Variants in LAMA3 observed in about 807,000 individuals in gnomAD.
The protein encoded by LAMA3 is laminin subunit alpha-3.
A neutral mutation model predicts 402.0 loss-of-function variants in LAMA3; 281 were observed. That is an observed-to-expected ratio of 0.70 (90% CI 0.63 to 0.77). The LOEUF is 0.77. Ranked by LOEUF, LAMA3 falls within the 30% of genes least tolerant of loss-of-function variation. The pLI is 0.00. For missense variants in LAMA3, 3,840 were observed against 4,215.5 expected, an observed-to-expected ratio of 0.91 and a Z score of 2.47; for synonymous variants, 1,431 against 1,558.4, an observed-to-expected ratio of 0.92 and a Z score of 1.93.
chr18:23,873,018 G>A (rs754661763), intron 38 of LAMA3: 5 of 1,613,768 alleles, frequency 3.1e-6, no homozygotes, highest in African/African-American at 1.3e-5. Flanking sequence ...AGGTTCCTGC[G>A]CAGCCAGCGG....
At chr18:23,929,935 G>T (rs1049741579) in intron 64 of LAMA3, among the ~76,000 whole-genome samples, 2 of 152,146 alleles carry the variant, frequency 1.3e-5, no homozygotes, top group Non-Finnish European at 2.9e-5. Flanking sequence ...GGGAATCCTG[G>T]ATATAGCATA....
rs377038696 is a variant in LAMA3, at chr18:23,728,828, C to T, written c.447+14756C>T. Among the ~76,000 whole-genome samples, 5 of 151,932 alleles carry T rather than the reference C, an allele frequency of 3.3e-5. No individual in the cohort carries two copies. The East Asian group carries it at 5.8e-4, about 18-fold the overall frequency. ...GGCGGGTCACCTGAAGTCAGGAGTT[C>T]GAGACCAGCCTGGCCAACATGGTGA... On this transcript the variant is annotated intron_variant, in intron 2 of 74. Coordinates refer to ENST00000313654, the MANE Select transcript of LAMA3 (RefSeq NM_198129.4).
chr18:23,951,436 T>C (rs1004034780), intron 72 of LAMA3, among the ~76,000 whole-genome samples: 7 of 152,158 alleles, frequency 4.6e-5, no homozygotes, highest in Non-Finnish European at 1.0e-4. Flanking sequence ...AGGGAACAAC[T>C]CATTGCCATT....
At chr18:23,894,456 G>T (rs1052217398) in intron 43 of LAMA3, 108 bp downstream of exon 43, 1 of 990,242 alleles carries the variant, frequency 1.0e-6, no homozygotes. Context: ...AAGTAAGGGT[G>T]GGAGGAGGTG....
chr18:23,729,664 TCAC>T (rs1245557753), intron 2 of LAMA3, among the ~76,000 whole-genome samples: 1 of 152,226 alleles, frequency 6.6e-6, no homozygotes, highest in Non-Finnish European at 1.5e-5. Context: ...TTAACATAAT[TCAC>T]ATGCTAGAAA....
intron 60 of LAMA3, among the ~76,000 whole-genome samples, chr18:23,917,955 T>C (rs1218007814): frequency 1.3e-5 from 2 of 152,172 alleles, no homozygotes; most frequent in Non-Finnish European, 2.9e-5. Flanking sequence ...CCTATTTCTA[T>C]AATGGTATTT....
intron 2 of LAMA3, among the ~76,000 whole-genome samples, chr18:23,742,695 T>C (rs897055960): frequency 9.9e-5 from 15 of 151,822 alleles, no homozygotes; most frequent in African/African-American, 3.1e-4. Flanking sequence ...ACAAAAAATA[T>C]GGTATATTGT....
In LAMA3 at chr18:23,773,603, A is replaced by G; in HGVS notation, c.1273+16A>G. ...GGCTGCATCCGTAAGTTTCATTTCA[A>G]GTTGGTGTATCTTAGCCTGTGTGTA... On this transcript the variant is annotated intron_variant, in intron 9 of 74. Transcript: ENST00000313654. 6.5e-7 allele frequency: 1 copy of G among 1,534,864 alleles called. No individual in the cohort carries two copies. Among genetic ancestry groups the G allele is most frequent in the Non-Finnish European group, 8.9e-7 (1 of 1,123,860 alleles).
chr18:23,833,531 G>C (rs1162458874), intron 23 of LAMA3, among the ~76,000 whole-genome samples: 1 of 152,200 alleles, frequency 6.6e-6, no homozygotes, highest in Admixed American at 6.5e-5. Context: ...GGTAGAAATA[G>C]TAGAAGTTTC....
intron 42 of LAMA3, among the ~76,000 whole-genome samples, chr18:23,893,198 C>A (rs1321773735): frequency 6.6e-6 from 1 of 152,022 alleles, no homozygotes. Flanking sequence ...TGTAGCTTGT[C>A]CAGGAAAATG....
rs116270502 is a variant in LAMA3 at position 23,923,457 on chromosome 18, A to C, written c.8177+1872A>C. Among the ~76,000 whole-genome samples the C allele has an allele frequency of 3.0e-3, 456 of 152,370 alleles. 3 individuals are homozygous for C. The highest frequency in any genetic ancestry group is 0.011 in the African/African-American group (437 of 41,586). The stretch of plus-strand genomic sequence containing the variant: ...TAGGATGGTGAATGGGCAGCACTGC[A>C]CAATGGCTTGGGTTGGGGAATAAAG... On this transcript the variant is annotated intron_variant, in intron 62 of 74. Transcript: ENST00000313654.
chr18:23,719,757 G>T (rs2061176992), intron 2 of LAMA3, among the ~76,000 whole-genome samples: 1 of 151,370 alleles, frequency 6.6e-6, no homozygotes, highest in Admixed American at 6.6e-5. Context: ...TGACTCAGAT[G>T]TGGAGGGAAG....
At chr18:23,713,606 A>G (rs1369574688) in intron 1 of LAMA3, among the ~76,000 whole-genome samples, 1 of 152,260 alleles carries the variant, frequency 6.6e-6, no homozygotes, top group Non-Finnish European at 1.5e-5. Flanking sequence ...CATCCCAAAT[A>G]CAACAGGCTC....
At chr18:23,887,838 T>C (rs2080491963) in intron 41 of LAMA3, among the ~76,000 whole-genome samples, 1 of 152,236 alleles carries the variant, frequency 6.6e-6, no homozygotes, top group African/African-American at 2.4e-5. Context: ...TATTTTCTGC[T>C]CTTTATTTGT....
chr18:23,801,203 G>A (rs193282506), intron 12 of LAMA3, among the ~76,000 whole-genome samples: 12 of 152,228 alleles, frequency 7.9e-5, no homozygotes, highest in African/African-American at 2.4e-4. Context: ...ACCAAATACC[G>A]TATGTTCTCA....
rs530002070 is a variant in LAMA3, at chr18:23,928,008, A to G, written c.8178-115A>G. The G allele has an allele frequency of 1.5e-4, 121 of 803,856 alleles. 1 individual carries two copies. The East Asian group carries it at 1.9e-3, about 13-fold the overall frequency. The allele number at this position is 803,856 out of a possible 1,614,324, so 49.8% of individuals were successfully genotyped here. On this transcript the variant is annotated intron_variant, in intron 62 of 74. Transcript: ENST00000313654. ...GGGAATCCCATGGGAAAGGATAAAC[A>G]TAAAACACCTACTCATTTATGGGTG...
At chr18:23,819,741 A>G (rs1242580207) in intron 18 of LAMA3, 100 bp from the exon 19 acceptor site, 2 of 1,007,602 alleles carry the variant, frequency 2.0e-6, no homozygotes, top group Non-Finnish European at 3.2e-6. Context: ...TACTCTGTCA[A>G]TGTGGTGGAG....
chr18:23,925,938 T>C (rs1175930391), intron 62 of LAMA3, among the ~76,000 whole-genome samples: 2 of 152,188 alleles, frequency 1.3e-5, no homozygotes, highest in African/African-American at 4.8e-5. Context: ...ACACTGACAG[T>C]ACAGACCCCA....
chr18:23,783,884 AGTC>A, intron 11 of LAMA3, 136 bp from the exon 12 acceptor site: 1 of 1,149,284 alleles, frequency 8.7e-7, no homozygotes. Flanking sequence ...AACGCAGTGT[AGTC>A]TTCTGCGTTA....
Sources: gnomAD v4.1 joint callset for allele counts (sites outside exome capture counted in the v4.1 genomes callset) on GRCh38, gnomAD v4.1.1 for gene constraint, MANE v1.5 for transcripts, NCBI Gene and HGNC (gene_info 2026-07-23, HGNC 2026-07-21) for gene names.